C19orf25: variants seen among roughly 807,000 people sequenced by gnomAD.
The protein encoded by C19orf25 is chromosome 19 open reading frame 25.
C19orf25 carries 1 observed loss-of-function variant against 3.1 expected under a neutral mutation model. That is an observed-to-expected ratio of 0.32 (90% CI 0.12 to 1.54). The LOEUF is 1.54. Ranked by LOEUF, C19orf25 falls within the 40% of genes most tolerant of loss-of-function variation. The pLI is 0.38. For synonymous variants in C19orf25, 91 were observed against 74.3 expected, an observed-to-expected ratio of 1.23 and a Z score of -1.16; for missense variants, 196 against 160.4, an observed-to-expected ratio of 1.22 and a Z score of -1.20.
Position 1,474,797 on chromosome 19 carries a change from A to G in C19orf25, c.*235T>C, listed in dbSNP as rs1160764407. ...AGCAATAATGTCCCTATCCTCTTCC[A>G]GAACCCCAGTGGGGCCCTCAGGTCA... On this transcript the variant is annotated 3_prime_UTR_variant, in exon 3 of 3. Transcript: ENST00000585675. 1.4e-6 allele frequency: 2 copies of G among 1,438,396 alleles called. No individual in the cohort carries two copies. The highest frequency in any genetic ancestry group is 1.8e-6 in the Non-Finnish European group (2 of 1,098,280). The allele number at this position is 1,438,396 out of a possible 1,614,324, so 89.1% of individuals were successfully genotyped here. A position where few individuals can be genotyped will look rare whatever the true frequency, so the allele number is the denominator to read the frequency against.
At position 1,474,687 on chromosome 19, in the gene C19orf25, C is replaced by T. The variant is rs962823575; in HGVS notation, c.*345G>A. ...AGAAGTGGACAGGCGAGTGCCTGCC[C>T]CGGGAGAGGAAGGAGGTGGCACCTG... On this transcript the variant is annotated 3_prime_UTR_variant, in exon 3 of 3. Coordinates refer to ENST00000585675, the MANE Select transcript of C19orf25 (RefSeq NM_152482.3). 9 of 932,046 alleles carry T rather than the reference C, an allele frequency of 9.7e-6. No individual in the cohort carries two copies. The Admixed American group carries it at 2.7e-4, about 28-fold the overall frequency. The allele number at this position is 932,046 out of a possible 1,614,324, so 57.7% of individuals were successfully genotyped here.
chr19:1,479,080 A>T, intron 1 of C19orf25, 83 bp downstream of exon 1: 1 of 1,362,388 alleles, frequency 7.3e-7, no homozygotes, highest in Non-Finnish European at 9.4e-7. Flanking sequence ...CCGCCCAAAA[A>T]CACGGTGGCC....
chr19:1,479,144 G>C lies in C19orf25; in HGVS notation c.-3+19C>G, dbSNP rs1035940216. Reference sequence around the variant, plus strand: ...CCTCAGTTTCCCCGCGGTCACCCCAGTCGCCGGCCTCTTCCCACCTGGGCG... The same window carrying C: ...CCTCAGTTTCCCCGCGGTCACCCCACTCGCCGGCCTCTTCCCACCTGGGCG... On this transcript the variant is annotated intron_variant, in intron 1 of 2. Transcript: ENST00000585675. The C allele has an allele frequency of 1.5e-6, 2 of 1,296,456 alleles. No homozygotes were observed. Among genetic ancestry groups the C allele is most frequent in the Middle Eastern group, 2.9e-4 (1 of 3,438 alleles). The allele number at this position is 1,296,456 out of a possible 1,614,324, so 80.3% of individuals were successfully genotyped here.
At position 1,475,201 on chromosome 19, in the gene C19orf25, T is replaced by C; in HGVS notation, c.188A>G (p.Tyr63Cys). ...EDAEAPGEQL[Y>C]QQSRAYVAAN... ...AGCCACGTAGGCCCGGCTTTGCTGG[T>C]AGAGCTGCTCTCCCGGGGCCTCCGC... Residue 63 changes from tyrosine to cysteine, a missense_variant, in exon 3 of 3, where the codon TAC becomes TGC. Physicochemically the swap from Tyr to Cys is radical, Grantham distance 194. Transcript: ENST00000585675. 2 of 1,567,600 alleles carry C rather than the reference T, an allele frequency of 1.3e-6. No homozygotes were observed. The highest frequency in any genetic ancestry group is 2.7e-5 in the African/African-American group (2 of 73,822).
At chr19:1,478,215 G>A (rs1273103926) in intron 2 of C19orf25, among the ~76,000 whole-genome samples, 4 of 151,964 alleles carry the variant, frequency 2.6e-5, no homozygotes, top group Admixed American at 2.6e-4. Flanking sequence ...AAGAAGCTGG[G>A]GCTACAAGTG....
At chr19:1,476,123 C>A (rs61613642) in intron 2 of C19orf25, 9 of 398,496 alleles carry the variant, frequency 2.3e-5, no homozygotes, top group East Asian at 3.6e-5. Context: ...CCTGCTCCCC[C>A]ACGTATGCAA....
rs143869901 is a variant in C19orf25, at chr19:1,473,228, T to C, written c.*1804A>G. On this transcript the variant is annotated 3_prime_UTR_variant, in exon 3 of 3. Transcript: ENST00000585675. Reference sequence around the variant, plus strand: ...TCCGACTCGCACACATTTAATAAACTGAGCTCTTGCATTGCCTGCCGCCAT... The same window carrying C: ...TCCGACTCGCACACATTTAATAAACCGAGCTCTTGCATTGCCTGCCGCCAT... The C allele has an allele frequency of 5.2e-5, 8 of 152,406 alleles. No individual in the cohort carries two copies. Among genetic ancestry groups the C allele is most frequent in the African/African-American group, 1.9e-4 (8 of 41,592 alleles). The allele number at this position is 152,406 out of a possible 1,614,324, so 9.4% of individuals were successfully genotyped here.
At chr19:1,478,458 G>A (rs1384532051) in intron 2 of C19orf25, 3 of 597,686 alleles carry the variant, frequency 5.0e-6, no homozygotes, top group Non-Finnish European at 7.5e-6. Flanking sequence ...ATTTTTAGCA[G>A]AGACGGGGTT....
chr19:1,474,821 C>G lies in C19orf25; in HGVS notation c.*211G>C. 1 of 1,447,596 alleles carries G rather than the reference C, an allele frequency of 6.9e-7. No individual in the cohort carries two copies. The highest frequency in any genetic ancestry group is 9.1e-7 in the Non-Finnish European group (1 of 1,102,344). The allele number at this position is 1,447,596 out of a possible 1,614,324, so 89.7% of individuals were successfully genotyped here. ...CAGAACCCCAGTGGGGCCCTCAGGT[C>G]ACGCAGGACGGAGCCAGCTGGGTGG... On this transcript the variant is annotated 3_prime_UTR_variant, in exon 3 of 3. Transcript: ENST00000585675.
intron 2 of C19orf25, chr19:1,475,949 C>G: frequency 5.5e-6 from 2 of 365,174 alleles, no homozygotes; most frequent in Non-Finnish European, 9.7e-6. Context: ...CTCATTCCTG[C>G]TGTCTCTGGA....
rs76218690 is a variant in C19orf25 at position 1,473,960 on chromosome 19, A to G, written c.*1072T>C. On this transcript the variant is annotated 3_prime_UTR_variant, in exon 3 of 3. Transcript: ENST00000585675. ...GTGGCAGGCCCCCTTTCTTCAGGGA[A>G]TAAGAAACATCTTCCACATTCAAGA... The G allele has an allele frequency of 0.022, 3,418 of 152,444 alleles. 62 individuals carry two copies. The highest frequency in any genetic ancestry group is 0.055 in the South Asian group (264 of 4,832). The allele number at this position is 152,444 out of a possible 1,614,324, so 9.4% of individuals were successfully genotyped here.
Position 1,475,111 on chromosome 19 carries a change from G to A in C19orf25, c.278C>T (p.Ala93Val). ...CACCTCCCGCTCCAGGTCCTCGCCG[G>A]CTCGCTGCAGGAGCTCACACCTCTG... ...LRQRCELLQR[A>V]GEDLEREVAQ... is the part of the protein sequence containing the mutation. Residue 93 changes from alanine (A) to valine (V), a missense_variant, in exon 3 of 3, where the codon GCC (alanine) becomes GTC (valine). Physicochemically the swap from Ala to Val is moderately conservative, Grantham distance 64 (BLOSUM62 0). Coordinates refer to ENST00000585675, the MANE Select transcript of C19orf25 (RefSeq NM_152482.3). 1 of 1,604,048 alleles carries A rather than the reference G, an allele frequency of 6.2e-7. No homozygotes were observed. Among genetic ancestry groups the A allele is most frequent in the African/African-American group, 1.3e-5 (1 of 74,832 alleles).
chr19:1,475,493 C>G (rs1363826334), intron 2 of C19orf25: 3 of 523,354 alleles, frequency 5.7e-6, no homozygotes, highest in Non-Finnish European at 1.0e-5. Context: ...CCAGCCTGGA[C>G]AACATAGTGA....
At chr19:1,476,323 G>A (rs1273156694) in intron 2 of C19orf25, 4 of 398,634 alleles carry the variant, frequency 1.0e-5, no homozygotes, top group African/African-American at 4.1e-5. Context: ...GGGAAAGGCC[G>A]GGCAGTGCCT....
Position 1,478,662 on chromosome 19 carries a change from T to C in C19orf25, c.130+112A>G, listed in dbSNP as rs755850033. 10 of 1,506,702 alleles carry C rather than the reference T, an allele frequency of 6.6e-6. No homozygotes were observed. The African/African-American group carries it at 1.1e-4, about 17-fold the overall frequency. 93.3% of individuals were successfully genotyped at this position (1,506,702 alleles called of 1,614,324 possible). A position where few individuals can be genotyped will look rare whatever the true frequency, so the allele number is the denominator to read the frequency against. On this transcript the variant is annotated intron_variant, in intron 2 of 2. Coordinates refer to ENST00000585675, the MANE Select transcript of C19orf25 (RefSeq NM_152482.3). The stretch of plus-strand genomic sequence containing the variant: ...TCGGAGAGGATACGGACCGTGCCCA[T>C]GTTGCGGGGGTTCCCAGGGCGTGGG...
chr19:1,474,901 G>C lies in C19orf25; in HGVS notation c.*131C>G. 6.6e-6 allele frequency: 10 copies of C among 1,519,338 alleles called. No individual in the cohort carries two copies. Among genetic ancestry groups the C allele is most frequent in the Non-Finnish European group, 7.9e-6 (9 of 1,134,688 alleles). The allele number at this position is 1,519,338 out of a possible 1,614,324, so 94.1% of individuals were successfully genotyped here. On this transcript the variant is annotated 3_prime_UTR_variant, in exon 3 of 3. Transcript: ENST00000585675. The stretch of plus-strand genomic sequence containing the variant: ...CGGATGAACCGCAGCCCCAGCATCA[G>C]GAGGGGCGCCTGTGTCAACACCCAC...
At chr19:1,476,477 C>T (rs1270100433) in intron 2 of C19orf25, 6 of 393,580 alleles carry the variant, frequency 1.5e-5, no homozygotes, top group Non-Finnish European at 2.7e-5. Flanking sequence ...GGTGACCGAA[C>T]TGCATGCTGG....
intron 2 of C19orf25, among the ~76,000 whole-genome samples, chr19:1,476,846 C>A (rs1484454583): frequency 6.6e-6 from 1 of 152,086 alleles, no homozygotes; most frequent in East Asian, 1.9e-4. Context: ...GAACTCCTGG[C>A]CTCAAGTCAT....
intron 2 of C19orf25, chr19:1,476,525 C>T: frequency 2.6e-6 from 1 of 381,746 alleles, no homozygotes; most frequent in East Asian, 3.7e-5. Context: ...CAGTACCGGC[C>T]CACAGAACCT....
Sources: gnomAD v4.1 joint callset for allele counts (sites outside exome capture counted in the v4.1 genomes callset) on GRCh38, gnomAD v4.1.1 for gene constraint, MANE v1.5 for transcripts, NCBI Gene and HGNC (gene_info 2026-07-23, HGNC 2026-07-21) for gene names.